VWA3B: variants seen among roughly 807,000 people sequenced by gnomAD.
The protein encoded by VWA3B is von Willebrand factor A domain-containing protein 3B.
Under a neutral mutation model 158.3 loss-of-function variants are expected in VWA3B, and 138 were observed. The ratio of observed to expected loss-of-function variants is 0.87; its 90% CI spans 0.76 to 1.00. The LOEUF (loss-of-function observed/expected upper bound fraction) is 1.00, where lower values mean the gene tolerates loss of function less well. VWA3B is among the 50% of genes least tolerant of loss of function. The pLI, the probability that VWA3B is intolerant of heterozygous loss-of-function variation, is 0.00. For missense variants in VWA3B, 1,555 were observed against 1,565.1 expected (o/e 0.99, Z 0.11); for synonymous variants, 596 against 587.3 (o/e 1.01, Z -0.21).
chr2:98,290,897 A>T (rs1689457269), intron 23 of VWA3B: 3 of 340,674 alleles, frequency 8.8e-6, no homozygotes, highest in Non-Finnish European at 1.1e-5. Context: ...CGTTGCATGT[A>T]TGTAATATTT....
chr2:98,199,086 C>T (rs1471819796), intron 12 of VWA3B, among the ~76,000 whole-genome samples: 1 of 143,906 alleles, frequency 6.9e-6, no homozygotes, highest in African/African-American at 2.5e-5. Context: ...GACTCCGTCT[C>T]AAAAAAAAAA....
intron 26 of VWA3B, among the ~76,000 whole-genome samples, chr2:98,305,274 ACAGT>A (rs1482588054): frequency 1.3e-5 from 2 of 152,150 alleles, no homozygotes; most frequent in African/African-American, 4.8e-5. Context: ...CTTGTGTGTC[ACAGT>A]CAGACTCCGA....
At chr2:98,272,590 A>T (rs1246026636) in intron 22 of VWA3B, among the ~76,000 whole-genome samples, 1 of 152,086 alleles carries the variant, frequency 6.6e-6, no homozygotes, top group Non-Finnish European at 1.5e-5. Flanking sequence ...TGAAAGTCTT[A>T]ACTCTCTAAT....
intron 8 of VWA3B, 60 bp downstream of exon 8, chr2:98,163,036 A>T (rs889190020): frequency 1.3e-5 from 20 of 1,594,488 alleles, no homozygotes; most frequent in Middle Eastern, 1.7e-4. Flanking sequence ...GCTGGGGACC[A>T]GGGGCTGCTT....
chr2:98,095,437 A>T (rs1682646334), intron 2 of VWA3B, among the ~76,000 whole-genome samples: 1 of 152,162 alleles, frequency 6.6e-6, no homozygotes, highest in Non-Finnish European at 1.5e-5. Context: ...TGCTGTTAGC[A>T]TGTATATCAC....
At chr2:98,297,777 G>A in intron 23 of VWA3B, 130 bp from the exon 24 acceptor site, 1 of 1,191,572 alleles carries the variant, frequency 8.4e-7, no homozygotes. Flanking sequence ...ATCTGCTGGA[G>A]AAATCAAAGG....
At position 98,312,183 on chromosome 2, in the gene VWA3B, G is replaced by A. The variant is rs760488231; in HGVS notation, c.3736-17G>A. On this transcript the variant is annotated splice_polypyrimidine_tract_variant and intron_variant, in intron 27 of 27. Transcript: ENST00000477737. ...GACCCTAACATCCTTAAGTAATGCT[G>A]AACTCTGCTTCCCCAGACAGCCCAC... 6.2e-7 allele frequency: 1 copy of A among 1,614,116 alleles called. No individual in the cohort carries two copies. The highest frequency in any genetic ancestry group is 2.2e-5 in the East Asian group (1 of 44,882).
intron 19 of VWA3B, among the ~76,000 whole-genome samples, chr2:98,240,970 A>G (rs767876931): frequency 5.9e-5 from 9 of 152,190 alleles, no homozygotes; most frequent in Non-Finnish European, 1.2e-4. Context: ...ACAGTGCCAA[A>G]CAGGAAAGCC....
intron 12 of VWA3B, among the ~76,000 whole-genome samples, chr2:98,195,869 A>AT (rs1382093847): frequency 6.6e-6 from 1 of 152,194 alleles, no homozygotes; most frequent in African/African-American, 2.4e-5. Context: ...TCCAAAATTC[A>AT]TTTTCAAAAG....
chr2:98,146,409 C>A lies in VWA3B; in HGVS notation c.988+12470C>A, dbSNP rs1677178945. On this transcript the variant is annotated intron_variant, in intron 7 of 27. Transcript: ENST00000477737. ...CCATCTATGCTTCACAACTCAGGGG[C>A]TCTCTGCTTTTTTGCTGCTGCAGGG... Among the ~76,000 whole-genome samples, 2 of 152,146 alleles carry A rather than the reference C, an allele frequency of 1.3e-5. 1 individual carries two copies. Among genetic ancestry groups the A allele is most frequent in the Admixed American group, 1.3e-4 (2 of 15,272 alleles).
At chr2:98,270,222 T>C (rs1688112244) in intron 21 of VWA3B, among the ~76,000 whole-genome samples, 1 of 152,248 alleles carries the variant, frequency 6.6e-6, no homozygotes, top group African/African-American at 2.4e-5. Context: ...ATAGCTAAAA[T>C]GAGCTAGTAT....
chr2:98,281,700 G>A (rs1465449792), intron 22 of VWA3B, among the ~76,000 whole-genome samples: 1 of 152,110 alleles, frequency 6.6e-6, no homozygotes, highest in Admixed American at 6.5e-5. Context: ...GAAATGAAAA[G>A]AGGGTCACAC....
At chr2:98,162,787 A>T in intron 7 of VWA3B, 64 bp from the exon 8 acceptor site, 1 of 1,592,672 alleles carries the variant, frequency 6.3e-7, no homozygotes, top group Non-Finnish European at 8.5e-7. Context: ...CAGGCCTGCT[A>T]GGCGGGCTGC....
intron 22 of VWA3B, among the ~76,000 whole-genome samples, chr2:98,279,409 C>T (rs1266031783): frequency 6.6e-6 from 1 of 152,170 alleles, no homozygotes; most frequent in Non-Finnish European, 1.5e-5. Flanking sequence ...CCTGCCTCTA[C>T]ATTTGTCTTT....
chr2:98,179,606 T>G (rs1680306567), intron 8 of VWA3B, among the ~76,000 whole-genome samples: 2 of 152,154 alleles, frequency 1.3e-5, no homozygotes, highest in African/African-American at 2.4e-5. Context: ...TCCACCACAT[T>G]ACAGAGCATT....
intron 21 of VWA3B, among the ~76,000 whole-genome samples, chr2:98,268,453 G>A (rs1687991296): frequency 6.6e-6 from 1 of 152,048 alleles, no homozygotes; most frequent in African/African-American, 2.4e-5. Flanking sequence ...CACATCTGCT[G>A]TTGAACCCCT....
intron 12 of VWA3B, among the ~76,000 whole-genome samples, chr2:98,195,145 T>C (rs545517160): frequency 8.1e-4 from 124 of 152,282 alleles, no homozygotes; most frequent in African/African-American, 2.9e-3. Flanking sequence ...CAAGAGTTGT[T>C]CTTAAAAAGT....
intron 24 of VWA3B, among the ~76,000 whole-genome samples, chr2:98,298,573 A>G (rs965214737): frequency 6.6e-6 from 1 of 152,236 alleles, no homozygotes; most frequent in Non-Finnish European, 1.5e-5. Context: ...AGACGGTGAT[A>G]CCGTAATGCA....
chr2:98,325,744 T>C, the VWA3B span, among the ~76,000 whole-genome samples: 2 of 152,234 alleles, frequency 1.3e-5, no homozygotes, highest in African/African-American at 2.4e-5. Context: ...ACATACATGG[T>C]TGCAAGGCTT....
Sources: allele counts gnomAD v4.1 joint callset (sites outside exome capture counted in the v4.1 genomes callset), GRCh38; gene constraint gnomAD v4.1.1; transcripts MANE v1.5; gene names NCBI Gene and HGNC (gene_info 2026-07-23, HGNC 2026-07-21).